GINS3: variants seen among roughly 807,000 people sequenced by gnomAD.
GINS3 encodes the protein GINS complex subunit 3, also known as DNA replication complex GINS protein PSF3.
A neutral mutation model predicts 20.0 loss-of-function variants in GINS3; 18 were observed. That is an observed-to-expected ratio of 0.90 (90% confidence interval 0.62 to 1.33). The LOEUF is 1.33. GINS3 is among the 40% of genes most tolerant of loss of function. The probability of loss-of-function intolerance (pLI) is 0.00; values close to 1 mark genes in which losing one functional copy is unlikely to be tolerated. For synonymous variants in GINS3, 109 were observed against 107.0 expected (o/e 1.02, Z -0.12); for missense variants, 254 against 273.6 (o/e 0.93, Z 0.51).
At position 58,396,511 on chromosome 16, in the gene GINS3, C is replaced by CT. The variant is rs1555519436; in HGVS notation, c.186+3724_186+3725insT. Among the ~76,000 whole-genome samples, 7 of 26,412 alleles carry CT rather than the reference C, an allele frequency of 2.7e-4. 3 individuals are homozygous for CT. Among genetic ancestry groups the CT allele is most frequent in the African/African-American group, 1.6e-3 (7 of 4,270 alleles). The allele number at this position is 26,412 out of a possible 152,430, so 17.3% of individuals were successfully genotyped here. On this transcript the variant is annotated intron_variant, in intron 1 of 2. Transcript: ENST00000318129. ...CTCCCGGACGGGGAGGCTGGCCGGGCGGGGGCTGACCCCCCCACCTCCCTC... is the reference window on the plus strand; with the variant it reads ...CTCCCGGACGGGGAGGCTGGCCGGGCTGGGGGCTGACCCCCCCACCTCCCTC...
chr16:58,403,412 G>A (rs1965984420), intron 2 of GINS3, 81 bp downstream of exon 2: 3 of 1,057,052 alleles, frequency 2.8e-6, no homozygotes, highest in Non-Finnish European at 4.1e-6. Context: ...CCAGGACAGT[G>A]TATGACTTGT....
intron 1 of GINS3, among the ~76,000 whole-genome samples, chr16:58,396,703 C>T (rs1332652854): frequency 1.8e-5 from 2 of 111,334 alleles, no homozygotes; most frequent in Admixed American, 8.5e-5. Flanking sequence ...GGCGGCTGGC[C>T]GGGCGGGGGG....
At position 58,392,942 on chromosome 16, in the gene GINS3, CG is replaced by C. The variant is rs1034032762; in HGVS notation, c.186+160del. On this transcript the variant is annotated intron_variant, in intron 1 of 2. Coordinates refer to ENST00000318129, the MANE Select transcript of GINS3 (RefSeq NM_022770.4). ...CGCTAACGACTTCTCGGAAACTCCG[CG>C]GGGGTCCCTTCGCGCTCGGGGTGGT... 57 of 748,826 alleles carry C rather than the reference CG, an allele frequency of 7.6e-5. 1 individual carries two copies. In the South Asian group the frequency reaches 1.1e-3, roughly 15 times the overall value. 46.4% of individuals were successfully genotyped at this position (748,826 alleles called of 1,614,324 possible).
rs1178244246 is a variant in GINS3 at position 58,392,776 on chromosome 16, G to A, written c.175G>A (p.Ala59Thr). The change falls in exon 1 of 3, where the codon GCG (alanine) becomes ACG (threonine). Residue 59 changes from alanine (A) to threonine (T), a missense_variant. Coordinates refer to ENST00000318129, the MANE Select transcript of GINS3 (RefSeq NM_022770.4). ...GAGCGCAGGCGCCGAGACTGACAAC[G>A]CGGTCCCACAGGTGAGCCTTTGGGT... ...ERSAGAETDN[A>T]VPQGSKLELP... The A allele has an allele frequency of 6.2e-7, 1 of 1,607,440 alleles. No homozygotes were observed.
At chr16:58,395,016 T>C in intron 1 of GINS3, 1 of 498,900 alleles carries the variant, frequency 2.0e-6, no homozygotes, top group Non-Finnish European at 3.5e-6. Flanking sequence ...AGACTTGATT[T>C]CTTCTTGTGT....
rs535314896 is a variant in GINS3, at chr16:58,397,747, G to A, written c.186+4960G>A. The stretch of plus-strand genomic sequence containing the variant: ...AGGCAGGGAGGTTGCAGTGAGCCGA[G>A]ATGGCAGCAGTACAGTCCAGCTTCG... On this transcript the variant is annotated intron_variant, in intron 1 of 2. Transcript: ENST00000318129. Among the ~76,000 whole-genome samples the A allele has an allele frequency of 3.9e-4, 59 of 152,310 alleles. 2 individuals are homozygous for A. The South Asian group carries it at 9.5e-3, about 25-fold the overall frequency.
At chr16:58,392,831 C>T in intron 1 of GINS3, 44 bp downstream of exon 1, 1 of 1,522,736 alleles carries the variant, frequency 6.6e-7, no homozygotes, top group Non-Finnish European at 8.8e-7. Context: ...GACTGCAGCT[C>T]CCGGCGGGCC....
At position 58,404,901 on chromosome 16, in the gene GINS3, G is replaced by T; in HGVS notation, c.*172G>T. ...ATGCTGGAGGATGTGGGTGTCCCTG[G>T]CTCTGTGAGTCTTCCAGGACCGTCC... On this transcript the variant is annotated 3_prime_UTR_variant, in exon 3 of 3. Transcript: ENST00000318129. The T allele has an allele frequency of 1.6e-6, 1 of 610,106 alleles. No homozygotes were observed. The allele number at this position is 610,106 out of a possible 1,614,324, so 37.8% of individuals were successfully genotyped here.
intron 1 of GINS3, among the ~76,000 whole-genome samples, chr16:58,397,044 G>A (rs570647755): frequency 6.6e-6 from 1 of 150,578 alleles, no homozygotes; most frequent in Admixed American, 6.6e-5. Context: ...CTTCCGGACA[G>A]GGCGGCTGGC....
At chr16:58,400,055 CA>C (rs1483658254) in intron 1 of GINS3, among the ~76,000 whole-genome samples, 1 of 152,160 alleles carries the variant, frequency 6.6e-6, no homozygotes, top group Non-Finnish European at 1.5e-5. Context: ...ATTCTCTCTT[CA>C]GAATTCCCTT....
At chr16:58,396,543 G>A (rs531798318) in intron 1 of GINS3, among the ~76,000 whole-genome samples, 1,161 of 18,296 alleles carry the variant, frequency 0.063, 91 homozygotes, top group African/African-American at 0.15. Flanking sequence ...CCTCCCGGAC[G>A]GGGCGGCTGG....
chr16:58,403,218 G>C lies in GINS3; in HGVS notation c.307G>C (p.Asp103His). 6.2e-7 allele frequency: 1 copy of C among 1,614,152 alleles called. No individual in the cohort carries two copies. Among genetic ancestry groups the C allele is most frequent in the Non-Finnish European group, 8.5e-7 (1 of 1,180,026 alleles). ...GGGTTGGAGGACTGTGTTCAGTGCA[G>C]ATCCCAATGTGGTGGACCTCCACAA... ...QEGWRTVFSA[D>H]PNVVDLHKMG... The change falls in exon 2 of 3, where the codon GAT (aspartate) becomes CAT (histidine). Residue 103 changes from aspartate to histidine, a missense_variant. Transcript: ENST00000318129.
chr16:58,401,891 C>G (rs559714923), intron 1 of GINS3, among the ~76,000 whole-genome samples: 2 of 152,072 alleles, frequency 1.3e-5, no homozygotes, highest in Non-Finnish European at 2.9e-5. Context: ...TCTATTAATA[C>G]TTGTTATTCA....
Position 58,392,926 on chromosome 16 carries a change from C to G in GINS3, c.186+139C>G. ...GAGCCAGGGCCGAAGGCGCTAACGA[C>G]TTCTCGGAAACTCCGCGGGGGTCCC... is the stretch of plus-strand genomic sequence containing the variant. On this transcript the variant is annotated intron_variant, in intron 1 of 2. Coordinates refer to ENST00000318129, the MANE Select transcript of GINS3 (RefSeq NM_022770.4). The G allele has an allele frequency of 4.4e-6, 4 of 906,586 alleles. No homozygotes were observed. The South Asian group carries it at 7.4e-5, about 17-fold the overall frequency. 56.2% of individuals were successfully genotyped at this position (906,586 alleles called of 1,614,324 possible).
chr16:58,392,818 A>G, intron 1 of GINS3, 31 bp downstream of exon 1: 1 of 1,553,934 alleles, frequency 6.4e-7, no homozygotes, highest in African/African-American at 1.4e-5. Context: ...TCCTGCCCGG[A>G]AAGACTGCAG....
intron 1 of GINS3, among the ~76,000 whole-genome samples, chr16:58,399,309 A>C (rs1177355483): frequency 2.0e-5 from 3 of 152,198 alleles, no homozygotes; most frequent in African/African-American, 7.2e-5. Context: ...AAAAATTGAA[A>C]AAATGTTAAA....
At chr16:58,395,347 T>A (rs1404884828) in intron 1 of GINS3, 3 of 198,338 alleles carry the variant, frequency 1.5e-5, no homozygotes, top group African/African-American at 2.5e-5. Flanking sequence ...ATTTTTTTTT[T>A]AATTGATCAT....
At position 58,394,180 on chromosome 16, in the gene GINS3, A is replaced by T. The variant is rs898343673; in HGVS notation, c.186+1393A>T. On this transcript the variant is annotated intron_variant, in intron 1 of 2. Transcript: ENST00000318129. Reference sequence around the variant, plus strand: ...TCTAGGATTCCACCTAGGATACCACACTGCATTTAGTAGACATGTTTCCTT... The same window carrying T: ...TCTAGGATTCCACCTAGGATACCACTCTGCATTTAGTAGACATGTTTCCTT... Among the ~76,000 whole-genome samples, 5 of 152,088 alleles carry T rather than the reference A, an allele frequency of 3.3e-5. No individual in the cohort carries two copies. In the South Asian group the frequency reaches 8.3e-4, roughly 25 times the overall value.
intron 1 of GINS3, chr16:58,394,963 A>G (rs1965829695): frequency 2.6e-6 from 1 of 387,254 alleles, no homozygotes. Context: ...AGATTTGTGT[A>G]GGAAGGTTTG....
Sources: allele counts gnomAD v4.1 joint callset (sites outside exome capture counted in the v4.1 genomes callset), GRCh38; gene constraint gnomAD v4.1.1; transcripts MANE v1.5; gene names NCBI Gene and HGNC (gene_info 2026-07-23, HGNC 2026-07-21).